The following CUBN variants were observed in gnomAD, a reference collection of about 807,000 sequenced individuals.
CUBN encodes the protein 460 kDa receptor.
Under a neutral mutation model 405.3 loss-of-function variants are expected in CUBN, and 282 were observed. The observed-to-expected ratio is 0.70, with a 90% CI of 0.63 to 0.77. The LOEUF (loss-of-function observed/expected upper bound fraction) is 0.77. Among genes scored for constraint, CUBN ranks in the 30% least tolerant of loss-of-function variants. The pLI is 0.00. For missense variants in CUBN, 4,514 were observed against 4,475.2 expected (o/e 1.01, Z -0.25); for synonymous variants, 1,684 against 1,617.0 (o/e 1.04, Z -0.99).
intron 27 of CUBN, 23 bp downstream of exon 27, chr10:17,041,010 C>G (rs1835004938): frequency 6.2e-7 from 1 of 1,600,922 alleles, no homozygotes; most frequent in Non-Finnish European, 8.6e-7. Flanking sequence ...AAGCAGTGAT[C>G]AATCAAGCTT....
At chr10:16,837,624 C>T (rs969051431) in intron 62 of CUBN, among the ~76,000 whole-genome samples, 5 of 152,074 alleles carry the variant, frequency 3.3e-5, no homozygotes, top group African/African-American at 1.2e-4. Flanking sequence ...CATCTCTGTT[C>T]ATCTCCAGTG....
Position 17,065,633 on chromosome 10 carries a change from C to T in CUBN, c.3014G>A (p.Cys1005Tyr). 1 of 1,613,328 alleles carries T rather than the reference C, an allele frequency of 6.2e-7. No homozygotes were observed. Among genetic ancestry groups the T allele is most frequent in the Non-Finnish European group, 8.5e-7 (1 of 1,179,404 alleles). The change falls in exon 22 of 67, where the codon TGT (cysteine) becomes TAT (tyrosine). Residue 1005 changes from cysteine to tyrosine, a missense_variant. By Grantham distance (194) the Cys-to-Tyr change is radical. Coordinates refer to ENST00000377833, the MANE Select transcript of CUBN (RefSeq NM_001081.4). ...TDSETSLGRY[C>Y]GKSIPPSLTS... ...GAGAGATGGCGGGATCGACTTTCCACAGTATCTATTCCAAACCAAGAAAGG... is the reference window on the plus strand; with the variant it reads ...GAGAGATGGCGGGATCGACTTTCCATAGTATCTATTCCAAACCAAGAAAGG...
chr10:16,999,370 G>C (rs1402854756), intron 28 of CUBN, among the ~76,000 whole-genome samples: 1 of 152,166 alleles, frequency 6.6e-6, no homozygotes, highest in East Asian at 1.9e-4. Flanking sequence ...ACCTAGAGAA[G>C]TTAGCCAATC....
chr10:16,927,280 C>T (rs891703211), intron 41 of CUBN, among the ~76,000 whole-genome samples: 5 of 151,908 alleles, frequency 3.3e-5, no homozygotes, highest in African/African-American at 4.8e-5. Flanking sequence ...ATTAATTCTC[C>T]AGTTGTCAGG....
chr10:17,114,902 C>A (rs570682854), intron 7 of CUBN, among the ~76,000 whole-genome samples: 4 of 152,154 alleles, frequency 2.6e-5, no homozygotes, highest in Non-Finnish European at 5.9e-5. Flanking sequence ...ACTTACAAGG[C>A]CAAGAGAAGG....
At chr10:17,101,873 T>C (rs1044376255) in intron 13 of CUBN, among the ~76,000 whole-genome samples, 4 of 152,172 alleles carry the variant, frequency 2.6e-5, no homozygotes, top group African/African-American at 9.7e-5. Context: ...ATAATTTCTA[T>C]CTTTCAGGGT....
At chr10:16,964,263 T>C (rs1406120770) in intron 31 of CUBN, among the ~76,000 whole-genome samples, 1 of 152,172 alleles carries the variant, frequency 6.6e-6, no homozygotes, top group Non-Finnish European at 1.5e-5. Flanking sequence ...CCTCATAGCA[T>C]TGTTATAACA....
chr10:17,023,104 T>C (rs960329076), intron 27 of CUBN, among the ~76,000 whole-genome samples: 9 of 152,048 alleles, frequency 5.9e-5, no homozygotes, highest in African/African-American at 1.9e-4. Context: ...GATTTCTTTT[T>C]TTTCCTTCCT....
chr10:16,892,568 C>T (rs892588022), intron 54 of CUBN, among the ~76,000 whole-genome samples: 2 of 152,126 alleles, frequency 1.3e-5, no homozygotes, highest in East Asian at 1.9e-4. Flanking sequence ...CACAGCTCAC[C>T]GCAGCCTCGA....
chr10:17,069,967 T>C (rs1265999571), intron 19 of CUBN, among the ~76,000 whole-genome samples: 3 of 152,214 alleles, frequency 2.0e-5, no homozygotes, highest in East Asian at 1.9e-4. Flanking sequence ...CTGAAGGGCA[T>C]AGAGACTACT....
At chr10:17,096,494 G>A (rs1369762506) in intron 14 of CUBN, among the ~76,000 whole-genome samples, 2 of 152,038 alleles carry the variant, frequency 1.3e-5, no homozygotes, top group Non-Finnish European at 2.9e-5. Context: ...TAAAAATAAT[G>A]TAAGAAAATA....
chr10:17,128,482 A>G (rs1351730665), intron 2 of CUBN, among the ~76,000 whole-genome samples: 1 of 152,218 alleles, frequency 6.6e-6, no homozygotes, highest in Non-Finnish European at 1.5e-5. Context: ...GTAAGGCAGG[A>G]GAATAACTGG....
At chr10:17,095,910 A>G (rs1322346917) in intron 14 of CUBN, among the ~76,000 whole-genome samples, 2 of 152,112 alleles carry the variant, frequency 1.3e-5, no homozygotes, top group African/African-American at 2.4e-5. Flanking sequence ...ATATATAAAT[A>G]CACAAAAACA....
At position 16,928,351 on chromosome 10, in the gene CUBN, A is replaced by G. The variant is rs1305218224; in HGVS notation, c.6125-48T>C. On this transcript the variant is annotated intron_variant, in intron 40 of 66. Coordinates refer to ENST00000377833, the MANE Select transcript of CUBN (RefSeq NM_001081.4). ...ACATGAAAATACATCTTGAGAATCT[A>G]CTCTACAATCATTTGCAGCTTAGCC... 1.9e-6 allele frequency: 3 copies of G among 1,600,430 alleles called. No individual in the cohort carries two copies. In the South Asian group the frequency reaches 3.3e-5, roughly 18 times the overall value.
chr10:17,077,158 G>C (rs1835870971), intron 17 of CUBN, among the ~76,000 whole-genome samples: 1 of 152,166 alleles, frequency 6.6e-6, no homozygotes, highest in Non-Finnish European at 1.5e-5. Flanking sequence ...TCACGGACCA[G>C]GTTCAGATTT....
chr10:16,974,799 A>C (rs1236600861), intron 31 of CUBN, among the ~76,000 whole-genome samples: 2 of 152,128 alleles, frequency 1.3e-5, no homozygotes, highest in African/African-American at 2.4e-5. Flanking sequence ...CAACCCACTC[A>C]ATGTGAAGAT....
chr10:17,119,816 A>G (rs1457446881), intron 6 of CUBN, among the ~76,000 whole-genome samples: 1 of 152,230 alleles, frequency 6.6e-6, no homozygotes, highest in South Asian at 2.1e-4. Flanking sequence ...ATCAGTGGAA[A>G]CAGAAAATGA....
intron 11 of CUBN, among the ~76,000 whole-genome samples, 169 bp from the exon 12 acceptor site, chr10:17,104,774 TTATG>T (rs1466216708): frequency 1.4e-5 from 2 of 146,436 alleles, no homozygotes; most frequent in Non-Finnish European, 3.0e-5. Context: ...TAATTATTAT[TTATG>T]TAATAATTAT....
intron 51 of CUBN, among the ~76,000 whole-genome samples, chr10:16,901,901 A>ATATATATACACACCATATATAG (rs1326554317): frequency 7.5e-6 from 1 of 133,124 alleles, no homozygotes; most frequent in Non-Finnish European, 1.6e-5. Context: ...ATATATATAT[A>ATATATATACACACCATATATAG]TATATATATA....
Sources: gnomAD v4.1 joint callset for allele counts (sites outside exome capture counted in the v4.1 genomes callset) on GRCh38, gnomAD v4.1.1 for gene constraint, MANE v1.5 for transcripts, NCBI Gene and HGNC (gene_info 2026-07-23, HGNC 2026-07-21) for gene names.